Variants in BRD10 observed in about 807,000 individuals in gnomAD.
BRD10 encodes the protein bromodomain containing 10, also known as uncharacterized bromodomain-containing protein 10.
the BRD10 span, among the ~76,000 whole-genome samples, chr9:5,957,200 C>A: frequency 6.6e-6 from 1 of 151,952 alleles, no homozygotes; most frequent in Non-Finnish European, 1.5e-5. Flanking sequence ...TCAATATAAC[C>A]CTCCCAGGTA....
chr9:5,937,721 T>G, the BRD10 span, among the ~76,000 whole-genome samples: 1 of 152,188 alleles, frequency 6.6e-6, no homozygotes, highest in African/African-American at 2.4e-5. Flanking sequence ...TTTTCAAACA[T>G]TGTTTTCATG....
the BRD10 span, among the ~76,000 whole-genome samples, chr9:5,998,148 T>A: frequency 6.6e-6 from 1 of 152,118 alleles, no homozygotes; most frequent in South Asian, 2.1e-4. Context: ...ATGTTAAAGT[T>A]TGAGATGGCT....
chr9:5,882,830 T>C, the BRD10 span, among the ~76,000 whole-genome samples: 1 of 151,998 alleles, frequency 6.6e-6, no homozygotes, highest in Non-Finnish European at 1.5e-5. Context: ...TATGCAGCCA[T>C]AAAAAAGGAT....
the BRD10 span, among the ~76,000 whole-genome samples, chr9:5,973,362 G>A: frequency 6.6e-6 from 1 of 152,156 alleles, no homozygotes; most frequent in Admixed American, 6.5e-5. Context: ...AGCTATTTAG[G>A]AGGCTGAGGC....
the BRD10 span, among the ~76,000 whole-genome samples, chr9:6,005,919 TCA>T: frequency 6.6e-6 from 1 of 152,152 alleles, no homozygotes; most frequent in Non-Finnish European, 1.5e-5. Flanking sequence ...TAAAGAGAGC[TCA>T]CTTAACGAAG....
the BRD10 span, among the ~76,000 whole-genome samples, chr9:5,885,281 C>T: frequency 5.9e-3 from 905 of 152,352 alleles, 13 homozygotes; most frequent in African/African-American, 0.021. Flanking sequence ...GCACCCCCTC[C>T]GAACTGTTTG....
chr9:5,881,701 G>A, the BRD10 span: 1 of 152,206 alleles, frequency 6.6e-6, no homozygotes, highest in Non-Finnish European at 1.5e-5. Context: ...TGATATTTAG[G>A]GTGATGGTGA....
chr9:5,925,096 T>C, the BRD10 span, among the ~76,000 whole-genome samples: 2 of 152,104 alleles, frequency 1.3e-5, no homozygotes, highest in Admixed American at 1.3e-4. Flanking sequence ...TGGTGGCTCA[T>C]GCCTATAATC....
At chr9:5,920,846 T>G in the BRD10 span, 1 of 1,613,970 alleles carries the variant, frequency 6.2e-7, no homozygotes, top group Non-Finnish European at 8.5e-7. Flanking sequence ...TGATGCAAGG[T>G]GTCCTGTTTT....
chr9:5,986,173 T>C, the BRD10 span, among the ~76,000 whole-genome samples: 1 of 152,176 alleles, frequency 6.6e-6, no homozygotes, highest in African/African-American at 2.4e-5. Context: ...CCTCCCTGTG[T>C]CCATGTGTTC....
the BRD10 span, among the ~76,000 whole-genome samples, chr9:5,987,055 G>A: frequency 6.6e-6 from 1 of 152,128 alleles, no homozygotes; most frequent in East Asian, 1.9e-4. Flanking sequence ...CTCAAAAACT[G>A]TATGACCTTG....
chr9:6,008,030 C>G, the BRD10 span: 1 of 1,173,860 alleles, frequency 8.5e-7, no homozygotes, highest in Non-Finnish European at 1.1e-6. Context: ...GTGCCCTCCT[C>G]TCCCCTCCCC....
At chr9:5,922,211 G>C in the BRD10 span, 16 of 1,613,860 alleles carry the variant, frequency 9.9e-6, no homozygotes. Flanking sequence ...TGCTTCAGAA[G>C]AATCAGCAGT....
At chr9:5,919,716 CCGA>C in the BRD10 span, 1 of 1,611,640 alleles carries the variant, frequency 6.2e-7, no homozygotes, top group Non-Finnish European at 8.5e-7. Flanking sequence ...TTCTCTAAGC[CCGA>C]CGACTGAAAA....
the BRD10 span, chr9:5,922,689 C>T: frequency 6.2e-7 from 1 of 1,613,986 alleles, no homozygotes; most frequent in Non-Finnish European, 8.5e-7. Context: ...AGAATAAGAA[C>T]TTGCTGCATG....
At chr9:5,953,020 A>G in the BRD10 span, among the ~76,000 whole-genome samples, 5 of 152,166 alleles carry the variant, frequency 3.3e-5, no homozygotes, top group East Asian at 9.6e-4. Flanking sequence ...ATTTTCTTTA[A>G]CTGTTGATTT....
At chr9:5,920,622 C>T in the BRD10 span, 1 of 1,613,952 alleles carries the variant, frequency 6.2e-7, no homozygotes, top group Non-Finnish European at 8.5e-7. Flanking sequence ...GTTGAAATCC[C>T]TGGTGAATGG....
chr9:5,910,952 G>A, the BRD10 span, among the ~76,000 whole-genome samples: 1 of 152,130 alleles, frequency 6.6e-6, no homozygotes, highest in Non-Finnish European at 1.5e-5. Flanking sequence ...TTAATCCCTT[G>A]TCAGATGGGT....
chr9:5,924,527 ACTT>A, the BRD10 span: 1 of 498,204 alleles, frequency 2.0e-6, no homozygotes, highest in Non-Finnish European at 3.4e-6. Context: ...TGTGGACACT[ACTT>A]CTTCAAAACA....
Sources: gnomAD v4.1 joint callset for allele counts (sites outside exome capture counted in the v4.1 genomes callset) on GRCh38, gnomAD v4.1.1 for gene constraint, MANE v1.5 for transcripts, NCBI Gene and HGNC (gene_info 2026-07-23, HGNC 2026-07-21) for gene names.